Variants in TASOR2 observed in about 807,000 individuals in gnomAD.
TASOR2 encodes the protein transcription activation suppressor family member 2.
TASOR2 carries 84 observed loss-of-function variants against 199.5 expected under a neutral mutation model. The observed-to-expected ratio is 0.42, with a 90% CI of 0.35 to 0.50. The LOEUF is 0.50. TASOR2 is among the 20% of genes least tolerant of loss of function. The pLI is 0.02. For missense variants in TASOR2, 2,796 were observed against 2,835.9 expected (o/e 0.99, Z 0.32); for synonymous variants, 1,103 against 1,046.6 (o/e 1.05, Z -1.04).
chr10:5,742,602 A>G lies in TASOR2; in HGVS notation c.2757+76A>G. 7.3e-7 allele frequency: 1 copy of G among 1,374,774 alleles called. No individual in the cohort carries two copies. The highest frequency in any genetic ancestry group is 2.3e-5 in the East Asian group (1 of 42,852). The allele number at this position is 1,374,774 out of a possible 1,614,324, so 85.2% of individuals were successfully genotyped here. ...AATGTTTATATGTAAAATCACATTC[A>G]AAACAAGGCATTTTTAAATTTTAGG... On this transcript the variant is annotated intron_variant, in intron 14 of 20. Coordinates refer to ENST00000328090, the Ensembl canonical transcript of TASOR2. The surrounding 1 kb of genome is among the most constrained non-coding windows in gnomAD (Gnocchi z 4.2).
intron 1 of TASOR2, among the ~76,000 whole-genome samples, chr10:5,707,730 A>T (rs1235571862): frequency 0.021 from 23 of 1,106 alleles, no homozygotes; most frequent in Admixed American, 0.025. Flanking sequence ...TCATTTTCAC[A>T]CACACACACA....
Position 5,720,160 on chromosome 10 carries a change from C to G in TASOR2, c.-99-384C>G. ...TCTTAATACAGTTACTGTTAGGGGACACATATCTGCATCCTTGTTAGACTA... is the reference window on the plus strand; with the variant it reads ...TCTTAATACAGTTACTGTTAGGGGAGACATATCTGCATCCTTGTTAGACTA... On this transcript the variant is annotated intron_variant, in intron 3 of 20. Transcript: ENST00000328090. The surrounding 1 kb of genome is among the most constrained non-coding windows in gnomAD (Gnocchi z 5.3). 1 of 504,092 alleles carries G rather than the reference C, an allele frequency of 2.0e-6. No individual in the cohort carries two copies. Among genetic ancestry groups the G allele is most frequent in the Non-Finnish European group, 2.6e-6 (1 of 390,576 alleles). 31.2% of individuals were successfully genotyped at this position (504,092 alleles called of 1,614,324 possible).
chr10:5,725,886 G>A, intron 8 of TASOR2, among the ~76,000 whole-genome samples: 1 of 152,146 alleles, frequency 6.6e-6, no homozygotes, highest in East Asian at 1.9e-4. Flanking sequence ...ACACATAGGG[G>A]CTCTCATAGA....
Position 5,731,158 on chromosome 10 carries a change from A to C in TASOR2, c.1159A>C (p.Thr387Pro), listed in dbSNP as rs759134534. Reference sequence around the variant, plus strand: ...AGACAACAGCTCGGACTCTCCAACAACTCTTAAGTTAGTTAAAGGACAGTT... The same window carrying C: ...AGACAACAGCTCGGACTCTCCAACACCTCTTAAGTTAGTTAAAGGACAGTT... Residue 387 changes from threonine (T) to proline (P), a missense_variant, in exon 11 of 21, where the codon ACT (threonine) becomes CCT (proline). By Grantham distance (38) the Thr-to-Pro change is conservative. Transcript: ENST00000328090. The C allele has an allele frequency of 1.9e-6, 3 of 1,608,964 alleles. No homozygotes were observed. In the Admixed American group the frequency reaches 5.0e-5, roughly 27 times the overall value.
At chr10:5,755,542 C>T (rs1838806457) in intron 15 of TASOR2, among the ~76,000 whole-genome samples, 1 of 151,974 alleles carries the variant, frequency 6.6e-6, no homozygotes, top group African/African-American at 2.4e-5. Flanking sequence ...CCACTGCACT[C>T]CAGCCTGGGT....
At chr10:5,713,021 T>C in intron 2 of TASOR2, 103 bp downstream of exon 2, 1 of 564,700 alleles carries the variant, frequency 1.8e-6, no homozygotes, top group Non-Finnish European at 2.6e-6. Flanking sequence ...ATCAGTGTTT[T>C]TTGTTGCTTA....
At chr10:5,757,820 T>C in intron 17 of TASOR2, 147 bp downstream of exon 18, 1 of 777,174 alleles carries the variant, frequency 1.3e-6, no homozygotes, top group Non-Finnish European at 2.1e-6. Flanking sequence ...CTGTCTGCTG[T>C]GCTCTTTTCA....
chr10:5,762,717 C>T, intron 20 of TASOR2, 71 bp downstream of exon 21: 2 of 785,634 alleles, frequency 2.5e-6, no homozygotes, highest in Admixed American at 2.6e-5. Flanking sequence ...ACATTTGTGT[C>T]TAAGGGAAAC....
chr10:5,720,803 GT>G lies in TASOR2; in HGVS notation c.46+39del, dbSNP rs201959475. The stretch of plus-strand genomic sequence containing the variant: ...AGAAATAGTTCATTGATTCTTTTAG[GT>G]TTTTTTTTTCTTGAGTAAATGTTTC... On this transcript the variant is annotated intron_variant, in intron 5 of 20. Transcript: ENST00000328090. The surrounding 1 kb of genome is among the most constrained non-coding windows in gnomAD (Gnocchi z 5.3). The G allele has an allele frequency of 6.5e-5, 94 of 1,436,080 alleles. No homozygotes were observed. Among genetic ancestry groups the G allele is most frequent in the East Asian group, 2.6e-4 (10 of 38,558 alleles). 89.0% of individuals were successfully genotyped at this position (1,436,080 alleles called of 1,614,324 possible). A position where few individuals can be genotyped will look rare whatever the true frequency, so the allele number is the denominator to read the frequency against.
intron 19 of TASOR2, among the ~76,000 whole-genome samples, chr10:5,762,113 A>G (rs1345725625): frequency 1.3e-5 from 2 of 152,146 alleles, no homozygotes; most frequent in East Asian, 3.8e-4. Context: ...TCATCTCTAC[A>G]GAAGTTGGCA....
intron 2 of TASOR2, chr10:5,713,886 C>T: frequency 3.7e-6 from 1 of 272,646 alleles, no homozygotes; most frequent in East Asian, 6.1e-5. Flanking sequence ...CTACAGTGAG[C>T]AGACTATTTA....
chr10:5,748,910 C>G lies in TASOR2; in HGVS notation c.5489C>G (p.Ser1830Cys), dbSNP rs1837592682. The change falls in exon 15 of 21, where the codon TCT becomes TGT. Residue 1830 changes from serine (S) to cysteine (C), a missense_variant. Around this residue, in one of 3 missense-constraint regions of TASOR2, gnomAD observed 1,941 missense variants for 1,924.9 expected, o/e 1.01. Transcript: ENST00000328090. This position sits in a 1 kb window ranked among gnomAD's most constrained non-coding sequence, Gnocchi z 5.1. ...ATGCACTATGAACTCTCTGGAGATT[C>G]TGATCTAGACCTGCTTGGTGATTGT... 3 of 1,614,014 alleles carry G rather than the reference C, an allele frequency of 1.9e-6. No individual in the cohort carries two copies. Among genetic ancestry groups the G allele is most frequent in the African/African-American group, 1.3e-5 (1 of 74,894 alleles).
At position 5,721,006 on chromosome 10, in the gene TASOR2, A is replaced by G. The variant is rs1201582554; in HGVS notation, c.146+36A>G. 5 of 1,528,986 alleles carry G rather than the reference A, an allele frequency of 3.3e-6. 1 individual carries two copies. In the South Asian group the frequency reaches 4.7e-5, roughly 14 times the overall value. 94.7% of individuals were successfully genotyped at this position (1,528,986 alleles called of 1,614,324 possible). On this transcript the variant is annotated intron_variant, in intron 6 of 20. Transcript: ENST00000328090. ...AATGTTATGTCCTTTACTAATGCTT[A>G]TATTACAAGTTTTGGGGTTTTTTTT...
intron 1 of TASOR2, among the ~76,000 whole-genome samples, chr10:5,688,325 A>G (rs924971769): frequency 1.3e-5 from 2 of 152,042 alleles, no homozygotes; most frequent in African/African-American, 2.4e-5. Flanking sequence ...CCTGGGTTCA[A>G]ACAATCCTGC....
intron 10 of TASOR2, among the ~76,000 whole-genome samples, chr10:5,727,870 C>T (rs1438235806): frequency 6.6e-6 from 1 of 151,998 alleles, no homozygotes; most frequent in Non-Finnish European, 1.5e-5. Flanking sequence ...TACTGTATCC[C>T]TAGTGCCTAG....
chr10:5,718,392 TA>T (rs59475949), intron 3 of TASOR2, among the ~76,000 whole-genome samples: 73,886 of 137,372 alleles, frequency 0.54, 20,021 homozygotes, highest in Middle Eastern at 0.64. Context: ...GACCTTTAAT[TA>T]AAAAAAAAAA....
chr10:5,742,873 G>T lies in TASOR2; in HGVS notation c.2757+347G>T, dbSNP rs531198260. Among the ~76,000 whole-genome samples the T allele has an allele frequency of 6.6e-6, 1 of 152,020 alleles. No individual in the cohort carries two copies. The highest frequency in any genetic ancestry group is 2.4e-5 in the African/African-American group (1 of 41,384). ...AGTCTTATGTAGAATATTGTTTAAG[G>T]ATCAAATATAGCAATAATAAATCTT... On this transcript the variant is annotated intron_variant, in intron 14 of 20. Coordinates refer to ENST00000328090, the Ensembl canonical transcript of TASOR2. This position sits in a 1 kb window ranked among gnomAD's most constrained non-coding sequence, Gnocchi z 4.2.
chr10:5,760,792 A>G (rs1839695879), intron 18 of TASOR2: 1 of 152,546 alleles, frequency 6.6e-6, no homozygotes, highest in Admixed American at 6.5e-5. Flanking sequence ...TAAGTGATGA[A>G]AACTAGAGAG....
chr10:5,727,595 T>C (rs904347379), intron 10 of TASOR2, among the ~76,000 whole-genome samples: 7 of 152,128 alleles, frequency 4.6e-5, no homozygotes, highest in African/African-American at 1.4e-4. Context: ...TAAACAGATA[T>C]GCAGTGTATA....
Sources: gnomAD v4.1 joint callset for allele counts (sites outside exome capture counted in the v4.1 genomes callset) on GRCh38, gnomAD v4.1.1 for gene constraint, gnomAD v4.1.1 regional missense constraint, Gnocchi (gnomAD v3.1) non-coding constraint, MANE v1.5 for transcripts, NCBI Gene and HGNC (gene_info 2026-07-23, HGNC 2026-07-21) for gene names.